NPRL3: variants seen among roughly 807,000 people sequenced by gnomAD.
NPRL3 encodes the protein GATOR1 complex protein NPRL3.
A neutral mutation model predicts 57.2 loss-of-function variants in NPRL3; 23 were observed. That is an observed-to-expected ratio of 0.40 (90% confidence interval 0.29 to 0.57). The LOEUF (loss-of-function observed/expected upper bound fraction) is 0.57, where lower values mean the gene tolerates loss of function less well. Among genes scored for constraint, NPRL3 ranks in the 20% least tolerant of loss-of-function variants. The probability of loss-of-function intolerance (pLI) is 0.42; values close to 1 mark genes in which losing one functional copy is unlikely to be tolerated. For synonymous variants in NPRL3, 333 were observed against 321.1 expected, an observed-to-expected ratio of 1.04 and a Z score of -0.39; for missense variants, 691 against 767.1, an observed-to-expected ratio of 0.90 and a Z score of 1.17.
Position 95,348 on chromosome 16 carries a change from TATACACAC to T in NPRL3, c.925-2031_925-2024del, listed in dbSNP as rs1393079994. Among the ~76,000 whole-genome samples, 231 of 45,004 alleles carry T rather than the reference TATACACAC, an allele frequency of 5.1e-3. 2 individuals carry two copies. The highest frequency in any genetic ancestry group is 9.5e-3 in the African/African-American group (192 of 20,298). The allele number at this position is 45,004 out of a possible 152,430, so 29.5% of individuals were successfully genotyped here. On this transcript the variant is annotated intron_variant, in intron 9 of 13. Coordinates refer to ENST00000611875, the MANE Select transcript of NPRL3 (RefSeq NM_001077350.3). ...GTGTATATATATATATATATATATA[TATACACAC>T]ACACACACACACACACACACACACA... is the stretch of plus-strand genomic sequence containing the variant.
chr16:103,718 G>T (rs34235332), intron 7 of NPRL3, among the ~76,000 whole-genome samples: 1 of 152,160 alleles, frequency 6.6e-6, no homozygotes, highest in Non-Finnish European at 1.5e-5. Context: ...GGCGGCTCAC[G>T]CCTGTAATCC....
intron 2 of NPRL3, among the ~76,000 whole-genome samples, chr16:137,717 T>C (rs1901172938): frequency 6.6e-6 from 1 of 151,828 alleles, no homozygotes; most frequent in South Asian, 2.1e-4. Flanking sequence ...GCTCGGCTAA[T>C]TTGTTTTTTT....
chr16:116,559 C>G (rs1362643673), intron 5 of NPRL3, among the ~76,000 whole-genome samples: 5 of 152,210 alleles, frequency 3.3e-5, no homozygotes, highest in Non-Finnish European at 7.3e-5. Context: ...TAGTGGCTCA[C>G]ACCTGGAATC....
chr16:116,488 T>G (rs1900038358), intron 5 of NPRL3, among the ~76,000 whole-genome samples: 1 of 152,176 alleles, frequency 6.6e-6, no homozygotes, highest in South Asian at 2.1e-4. Context: ...TTGTTTTAAT[T>G]TGTAGTTCCT....
At chr16:94,524 G>A (rs143185537) in intron 9 of NPRL3, among the ~76,000 whole-genome samples, 1 of 152,236 alleles carries the variant, frequency 6.6e-6, no homozygotes, top group Non-Finnish European at 1.5e-5. Context: ...CAAGGCAGGA[G>A]GATCGCCTGA....
At chr16:107,878 C>A (rs767622757) in intron 7 of NPRL3, among the ~76,000 whole-genome samples, 1 of 152,144 alleles carries the variant, frequency 6.6e-6, no homozygotes, top group Non-Finnish European at 1.5e-5. Flanking sequence ...TAATCTAATC[C>A]GAGTTGAGGC....
intron 3 of NPRL3, among the ~76,000 whole-genome samples, chr16:121,480 C>T (rs559045036): frequency 3.3e-5 from 5 of 152,068 alleles, no homozygotes; most frequent in South Asian, 4.2e-4. Flanking sequence ...AAAAATTAGC[C>T]GGGCGCAGTG....
intron 2 of NPRL3, among the ~76,000 whole-genome samples, chr16:135,940 C>A (rs770139621): frequency 6.6e-6 from 1 of 152,080 alleles, no homozygotes; most frequent in Non-Finnish European, 1.5e-5. Context: ...AAAAGGAAAT[C>A]CAAATGGCTC....
intron 5 of NPRL3, among the ~76,000 whole-genome samples, chr16:115,442 G>A (rs1023090266): frequency 2.7e-5 from 4 of 150,396 alleles, no homozygotes; most frequent in East Asian, 1.9e-4. Flanking sequence ...TCTCCTACTC[G>A]TCAATATCAC....
rs759578895 is a variant in NPRL3, at chr16:85,500, G to A, written c.*1205C>T. ...ACCCTCCGGAAAGGCACCGCCAGCC[G>A]TGTCCTCAAGGACCGCGAGCTCTGC... On this transcript the variant is annotated 3_prime_UTR_variant, in exon 14 of 14. Coordinates refer to ENST00000611875, the MANE Select transcript of NPRL3 (RefSeq NM_001077350.3). The A allele has an allele frequency of 1.9e-5, 30 of 1,613,226 alleles. No homozygotes were observed. Among genetic ancestry groups the A allele is most frequent in the Middle Eastern group, 1.6e-4 (1 of 6,084 alleles).
chr16:132,672 T>C (rs1236342389), intron 2 of NPRL3, among the ~76,000 whole-genome samples: 10 of 131,342 alleles, frequency 7.6e-5, no homozygotes. Flanking sequence ...GTATTTCTTT[T>C]TTTTTTTTTT....
At chr16:99,959 C>CAAA (rs11304941) in intron 8 of NPRL3, among the ~76,000 whole-genome samples, 4 of 61,008 alleles carry the variant, frequency 6.6e-5, no homozygotes, top group Admixed American at 2.2e-4. Context: ...CACACCCCCG[C>CAAA]AAAAAAAAAA....
chr16:104,051 C>CA (rs1899424651), intron 7 of NPRL3, among the ~76,000 whole-genome samples: 1 of 150,556 alleles, frequency 6.6e-6, no homozygotes, highest in Non-Finnish European at 1.5e-5. Context: ...GAGGTAGAGG[C>CA]GGAGGCGGAG....
chr16:133,939 G>A (rs1435847709), intron 2 of NPRL3, among the ~76,000 whole-genome samples: 2 of 152,202 alleles, frequency 1.3e-5, no homozygotes, highest in Non-Finnish European at 2.9e-5. Flanking sequence ...TGGGCGAACA[G>A]CCAGAATACA....
intron 3 of NPRL3, among the ~76,000 whole-genome samples, chr16:120,808 T>G (rs1276848452): frequency 6.6e-6 from 1 of 152,168 alleles, no homozygotes; most frequent in Non-Finnish European, 1.5e-5. Context: ...AGGCATAATA[T>G]GCTTTCTTCA....
Position 85,973 on chromosome 16 carries a change from T to G in NPRL3, c.*732A>C. Reference sequence around the variant, plus strand: ...CCGGTGTGGATGCTGGGGAGAATCATCAGTGTGGGAGCCGAAAGCCCCCGA... The same window carrying G: ...CCGGTGTGGATGCTGGGGAGAATCAGCAGTGTGGGAGCCGAAAGCCCCCGA... On this transcript the variant is annotated 3_prime_UTR_variant, in exon 14 of 14. Coordinates refer to ENST00000611875, the MANE Select transcript of NPRL3 (RefSeq NM_001077350.3). 1.6e-6 allele frequency: 1 copy of G among 633,338 alleles called. No homozygotes were observed. The highest frequency in any genetic ancestry group is 2.3e-6 in the Non-Finnish European group (1 of 427,270). 39.2% of individuals were successfully genotyped at this position (633,338 alleles called of 1,614,324 possible).
chr16:94,471 T>C (rs1445634386), intron 9 of NPRL3, among the ~76,000 whole-genome samples: 2 of 151,798 alleles, frequency 1.3e-5, no homozygotes, highest in African/African-American at 4.9e-5. Flanking sequence ...GCCTCCAGAC[T>C]GAGTGAGTGG....
At chr16:137,699 A>G (rs907180486) in intron 2 of NPRL3, among the ~76,000 whole-genome samples, 3 of 151,664 alleles carry the variant, frequency 2.0e-5, no homozygotes, top group East Asian at 1.9e-4. Flanking sequence ...ATGGGCACGC[A>G]CCACCACGCT....
At chr16:93,033 A>AG in intron 10 of NPRL3, 186 bp downstream of exon 10, 1 of 625,684 alleles carries the variant, frequency 1.6e-6, no homozygotes, top group South Asian at 1.9e-5. Context: ...CACAGAGCAC[A>AG]GAGCCAGACC....
Sources: gnomAD v4.1 joint callset for allele counts (sites outside exome capture counted in the v4.1 genomes callset) on GRCh38, gnomAD v4.1.1 for gene constraint, MANE v1.5 for transcripts, NCBI Gene and HGNC (gene_info 2026-07-23, HGNC 2026-07-21) for gene names.